The following NAA35 variants were observed in gnomAD, a reference collection of about 807,000 sequenced individuals.
NAA35 encodes MAK10 homolog, amino-acid N-acetyltransferase subunit.
In NAA35, 18 loss-of-function variants were observed where a neutral mutation model predicts 101.7. That is an observed-to-expected ratio of 0.18 (90% CI 0.12 to 0.26). The LOEUF (loss-of-function observed/expected upper bound fraction) is 0.26. Ranked by LOEUF, NAA35 falls within the 10% of genes least tolerant of loss-of-function variation. The pLI is 1.00. For synonymous variants in NAA35, 267 were observed against 273.1 expected (o/e 0.98, Z 0.22); for missense variants, 601 against 886.8 (o/e 0.68, Z 4.09).
At chr9:85,967,409 C>G (rs1402536408) in intron 6 of NAA35, among the ~76,000 whole-genome samples, 2 of 152,070 alleles carry the variant, frequency 1.3e-5, no homozygotes, top group Non-Finnish European at 2.9e-5. Context: ...ATTCTGTTTT[C>G]TTCGTTTTGC....
chr9:85,949,939 G>T (rs1828940022), intron 2 of NAA35, among the ~76,000 whole-genome samples: 1 of 152,130 alleles, frequency 6.6e-6, no homozygotes, highest in African/African-American at 2.4e-5. Context: ...ATACTAAAAA[G>T]GTACTTGCCT....
At chr9:85,953,295 G>A (rs1426758613) in intron 2 of NAA35, among the ~76,000 whole-genome samples, 4 of 144,912 alleles carry the variant, frequency 2.8e-5, no homozygotes, top group Non-Finnish European at 3.0e-5. Flanking sequence ...CATTTGTAAT[G>A]TCTTGCAAGC....
intron 6 of NAA35, among the ~76,000 whole-genome samples, chr9:85,968,488 A>C (rs145248354): frequency 1.4e-3 from 206 of 152,240 alleles, no homozygotes; most frequent in Non-Finnish European, 2.5e-3. Flanking sequence ...TGGAATTACA[A>C]GTGTGAGCCA....
intron 2 of NAA35, among the ~76,000 whole-genome samples, chr9:85,952,638 T>G (rs926790673): frequency 1.3e-5 from 2 of 151,472 alleles, no homozygotes; most frequent in Non-Finnish European, 2.9e-5. Flanking sequence ...GCAGCAGAAG[T>G]GTTTGTCTGC....
At chr9:85,942,356 C>A (rs1001661302) in intron 2 of NAA35, 73 bp downstream of exon 2, 1 of 1,550,732 alleles carries the variant, frequency 6.4e-7, no homozygotes, top group East Asian at 2.2e-5. Flanking sequence ...TCTAAACTTA[C>A]CTCATTAGAT....
intron 6 of NAA35, among the ~76,000 whole-genome samples, chr9:85,965,401 G>A (rs1208331244): frequency 6.6e-6 from 1 of 152,192 alleles, no homozygotes; most frequent in Non-Finnish European, 1.5e-5. Flanking sequence ...GATGAAGTGG[G>A]CGGATGGCTT....
chr9:85,946,329 T>C (rs1828761618), intron 2 of NAA35, among the ~76,000 whole-genome samples: 1 of 152,074 alleles, frequency 6.6e-6, no homozygotes, highest in Non-Finnish European at 1.5e-5. Context: ...TGTAGAGACA[T>C]TATGTTACGT....
intron 2 of NAA35, among the ~76,000 whole-genome samples, chr9:85,948,745 C>T (rs566466666): frequency 3.3e-5 from 5 of 152,026 alleles, no homozygotes; most frequent in South Asian, 2.1e-4. Flanking sequence ...AGTTATATGT[C>T]GATACCTTTA....
chr9:85,961,700 G>A (rs1325272292), intron 5 of NAA35, among the ~76,000 whole-genome samples: 2 of 152,116 alleles, frequency 1.3e-5, no homozygotes, highest in Non-Finnish European at 2.9e-5. Context: ...CTATAATTGT[G>A]AATTTTCCAG....
chr9:86,008,106 A>G (rs566822125), intron 14 of NAA35, among the ~76,000 whole-genome samples: 29 of 152,314 alleles, frequency 1.9e-4, no homozygotes, highest in Non-Finnish European at 2.1e-4. Flanking sequence ...AATGTTGCTC[A>G]GGCTGGAGTG....
chr9:85,955,047 A>G (rs1169643878), intron 2 of NAA35, among the ~76,000 whole-genome samples: 3 of 151,600 alleles, frequency 2.0e-5, no homozygotes, highest in African/African-American at 7.3e-5. Flanking sequence ...CCTCCCAAGT[A>G]GCTGGGATTA....
chr9:85,971,320 A>G (rs924407173), intron 6 of NAA35, among the ~76,000 whole-genome samples: 1 of 152,134 alleles, frequency 6.6e-6, no homozygotes, highest in African/African-American at 2.4e-5. Flanking sequence ...ACCTGTGAGC[A>G]TCGTTAGACC....
intron 2 of NAA35, among the ~76,000 whole-genome samples, chr9:85,946,822 T>A (rs1410584842): frequency 6.6e-6 from 1 of 152,160 alleles, no homozygotes; most frequent in Non-Finnish European, 1.5e-5. Flanking sequence ...CAGTCTTTAT[T>A]ATTAGCACCA....
At chr9:86,010,577 T>C (rs1270629227) in intron 15 of NAA35, among the ~76,000 whole-genome samples, 2 of 148,974 alleles carry the variant, frequency 1.3e-5, no homozygotes, top group African/African-American at 5.0e-5. Flanking sequence ...GAATTTTTTT[T>C]TTTTTTTTTT....
At chr9:86,010,242 A>G (rs562328522) in intron 15 of NAA35, among the ~76,000 whole-genome samples, 1 of 151,828 alleles carries the variant, frequency 6.6e-6, no homozygotes, top group South Asian at 2.1e-4. Flanking sequence ...ACTTTGTCTC[A>G]ATAACCATAA....
intron 11 of NAA35, among the ~76,000 whole-genome samples, chr9:85,980,237 C>G (rs764423847): frequency 6.6e-6 from 1 of 152,160 alleles, no homozygotes; most frequent in Non-Finnish European, 1.5e-5. Flanking sequence ...TGGAAGCTCT[C>G]TGAACTGTGT....
chr9:85,982,646 G>C (rs574326752), intron 11 of NAA35, among the ~76,000 whole-genome samples: 2 of 152,260 alleles, frequency 1.3e-5, no homozygotes, highest in Admixed American at 6.5e-5. Flanking sequence ...CTTGGGGAGT[G>C]TATTTTCAAA....
intron 12 of NAA35, among the ~76,000 whole-genome samples, chr9:86,002,872 T>C (rs1282383767): frequency 1.3e-5 from 2 of 152,200 alleles, no homozygotes; most frequent in Admixed American, 6.5e-5. Context: ...TAAGAACTCA[T>C]GTTGGAGAAC....
chr9:85,980,371 T>TACCCA (rs1165007950), intron 11 of NAA35, among the ~76,000 whole-genome samples: 2,465 of 152,292 alleles, frequency 0.016, 62 homozygotes, highest in African/African-American at 0.054. Flanking sequence ...GGGCTGAAAG[T>TACCCA]TCCAGCCTTG....
Sources: gnomAD v4.1 joint callset for allele counts (sites outside exome capture counted in the v4.1 genomes callset) on GRCh38, gnomAD v4.1.1 for gene constraint, MANE v1.5 for transcripts, NCBI Gene and HGNC (gene_info 2026-07-23, HGNC 2026-07-21) for gene names.